The following NDST3 variants were observed in gnomAD, a reference collection of about 807,000 sequenced individuals.
The protein encoded by NDST3 is N-deacetylase and N-sulfotransferase 3.
In NDST3, 58 loss-of-function variants were observed where a neutral mutation model predicts 96.1. The ratio of observed to expected loss-of-function variants is 0.60; its 90% CI spans 0.49 to 0.75. The LOEUF is 0.75. NDST3 is among the 30% of genes least tolerant of loss of function. The pLI, the probability that NDST3 is intolerant of heterozygous loss-of-function variation, is 0.00. For synonymous variants in NDST3, 333 were observed against 359.7 expected (o/e 0.93, Z 0.84); for missense variants, 788 against 1,034.2 (o/e 0.76, Z 3.27).
chr4:118,141,193 G>A (rs1733546382), intron 5 of NDST3, among the ~76,000 whole-genome samples: 1 of 152,130 alleles, frequency 6.6e-6, no homozygotes, highest in Non-Finnish European at 1.5e-5. Context: ...GTTCTCAGGG[G>A]TTCATCGGCA....
chr4:118,136,330 A>G (rs1733090064), intron 4 of NDST3, among the ~76,000 whole-genome samples: 1 of 152,242 alleles, frequency 6.6e-6, no homozygotes, highest in South Asian at 2.1e-4. Context: ...TAAAGTTGTT[A>G]ACCTATAATT....
At chr4:118,106,908 G>C (rs747386083) in intron 3 of NDST3, among the ~76,000 whole-genome samples, 3 of 152,118 alleles carry the variant, frequency 2.0e-5, no homozygotes, top group African/African-American at 7.2e-5. Context: ...GGCTAACACA[G>C]TGAAAACCTG....
intron 6 of NDST3, among the ~76,000 whole-genome samples, chr4:118,170,132 A>C (rs986002594): frequency 2.0e-5 from 3 of 152,196 alleles, no homozygotes; most frequent in Non-Finnish European, 4.4e-5. Flanking sequence ...TAAATAAATT[A>C]TCTCTCTTTA....
chr4:118,066,134 TAA>T (rs1560617551), intron 2 of NDST3, among the ~76,000 whole-genome samples: 6 of 30,678 alleles, frequency 2.0e-4, no homozygotes, highest in African/African-American at 3.7e-4. Context: ...ATATATTATA[TAA>T]TATATTTTAT....
intron 9 of NDST3, among the ~76,000 whole-genome samples, chr4:118,234,074 T>C (rs788663): frequency 0.29 from 44,196 of 152,096 alleles, 8,076 homozygotes; most frequent in Middle Eastern, 0.43. Context: ...GGGTTTGATA[T>C]TGATTAATTG....
chr4:118,081,425 C>A (rs1478696927), intron 2 of NDST3, among the ~76,000 whole-genome samples: 1 of 146,946 alleles, frequency 6.8e-6, no homozygotes, highest in Non-Finnish European at 1.5e-5. Flanking sequence ...TGTGTGTGTG[C>A]GAGAGAGAGA....
At chr4:118,115,090 C>T (rs75693609) in intron 4 of NDST3, 130 bp downstream of exon 4, 22,141 of 926,268 alleles carry the variant, frequency 0.024, 382 homozygotes, top group Non-Finnish European at 0.029. Flanking sequence ...TTTGGTATTG[C>T]CGCCTTTCAG....
chr4:118,211,074 C>G (rs1341536535), intron 6 of NDST3, among the ~76,000 whole-genome samples: 4 of 152,136 alleles, frequency 2.6e-5, no homozygotes, highest in African/African-American at 9.7e-5. Flanking sequence ...TCTTCCCAGC[C>G]TCTCTTGCAA....
At chr4:118,210,991 C>T (rs566078703) in intron 6 of NDST3, among the ~76,000 whole-genome samples, 8 of 152,232 alleles carry the variant, frequency 5.3e-5, no homozygotes, top group Non-Finnish European at 8.8e-5. Flanking sequence ...GTCCCAGATA[C>T]TAAGGGATCA....
At chr4:118,075,353 A>G (rs1455444322) in intron 2 of NDST3, among the ~76,000 whole-genome samples, 1 of 152,186 alleles carries the variant, frequency 6.6e-6, no homozygotes. Flanking sequence ...GTGCCACAGT[A>G]AACATACATG....
chr4:118,151,199 G>A (rs1734369235), intron 6 of NDST3, among the ~76,000 whole-genome samples: 1 of 152,122 alleles, frequency 6.6e-6, no homozygotes, highest in Non-Finnish European at 1.5e-5. Context: ...AGAACACATG[G>A]ACACAGGAAG....
chr4:118,196,583 A>G (rs1430679734), intron 6 of NDST3, among the ~76,000 whole-genome samples: 3 of 152,148 alleles, frequency 2.0e-5, no homozygotes, highest in African/African-American at 7.2e-5. Flanking sequence ...GGTAGGTTGT[A>G]TGCATCTAGG....
chr4:118,176,534 A>T (rs189760665), intron 6 of NDST3, among the ~76,000 whole-genome samples: 1 of 152,076 alleles, frequency 6.6e-6, no homozygotes, highest in African/African-American at 2.4e-5. Flanking sequence ...ATTGCACGTG[A>T]TGAGTTCACT....
intron 2 of NDST3, among the ~76,000 whole-genome samples, chr4:118,073,412 T>C (rs1039272407): frequency 1.3e-5 from 2 of 152,114 alleles, no homozygotes; most frequent in African/African-American, 4.8e-5. Flanking sequence ...TCATTATTGG[T>C]CTGTTCGGGG....
intron 4 of NDST3, among the ~76,000 whole-genome samples, chr4:118,123,231 T>A (rs1255052306): frequency 6.6e-6 from 1 of 152,168 alleles, no homozygotes; most frequent in African/African-American, 2.4e-5. Flanking sequence ...ACGGTGGTTA[T>A]AACAAAAATC....
At chr4:118,048,732 A>G (rs2389499) in intron 1 of NDST3, among the ~76,000 whole-genome samples, 97,264 of 151,998 alleles carry the variant, frequency 0.64, 34,496 homozygotes, top group South Asian at 0.83. Flanking sequence ...CATGAAACAA[A>G]TTCTTCTTCA....
chr4:118,037,277 G>T (rs753145309), intron 1 of NDST3, among the ~76,000 whole-genome samples: 7 of 152,150 alleles, frequency 4.6e-5, no homozygotes, highest in Non-Finnish European at 1.0e-4. Context: ...AAGTAGAGAT[G>T]TTACAGTTTT....
intron 9 of NDST3, among the ~76,000 whole-genome samples, chr4:118,236,481 T>A (rs1161149795): frequency 6.6e-6 from 1 of 152,210 alleles, no homozygotes; most frequent in East Asian, 1.9e-4. Flanking sequence ...AAGAGGAACA[T>A]AAGTGGCTCT....
At chr4:118,093,101 T>G (rs1341464203) in intron 2 of NDST3, among the ~76,000 whole-genome samples, 3 of 151,872 alleles carry the variant, frequency 2.0e-5, no homozygotes, top group African/African-American at 7.2e-5. Flanking sequence ...GGCTGTGCGC[T>G]GGAACTGAGT....
Sources: allele counts gnomAD v4.1 joint callset (sites outside exome capture counted in the v4.1 genomes callset), GRCh38; gene constraint gnomAD v4.1.1; transcripts MANE v1.5; gene names NCBI Gene and HGNC (gene_info 2026-07-23, HGNC 2026-07-21).